ALK: variants seen among roughly 807,000 people sequenced by gnomAD.
ALK encodes ALK receptor tyrosine kinase.
ALK carries 74 observed loss-of-function variants against 163.1 expected under a neutral mutation model. The ratio of observed to expected loss-of-function variants is 0.45; its 90% CI spans 0.38 to 0.55. The LOEUF is 0.55. Among genes scored for constraint, ALK ranks in the 20% least tolerant of loss-of-function variants. The pLI is 0.00. For synonymous variants in ALK, 960 were observed against 843.2 expected, an observed-to-expected ratio of 1.14 and a Z score of -2.40; for missense variants, 2,063 against 2,105.3, an observed-to-expected ratio of 0.98 and a Z score of 0.39.
intron 3 of ALK, among the ~76,000 whole-genome samples, chr2:29,686,614 AGGCCTCTGC>A (rs912422129): frequency 1.1e-4 from 16 of 152,196 alleles, no homozygotes; most frequent in African/African-American, 3.6e-4. Flanking sequence ...GACCAGAGCC[AGGCCTCTGC>A]TCCCCCAGCC....
chr2:29,750,790 C>T (rs1285055243), intron 1 of ALK, among the ~76,000 whole-genome samples: 1 of 151,276 alleles, frequency 6.6e-6, no homozygotes, highest in South Asian at 2.1e-4. Context: ...AGAGGCCGGG[C>T]GTGGTGGCTT....
chr2:29,290,548 C>T (rs72790289), intron 9 of ALK, among the ~76,000 whole-genome samples: 17,410 of 152,172 alleles, frequency 0.11, 1,207 homozygotes, highest in Non-Finnish European at 0.15. Context: ...GGGGGGCACC[C>T]CTGGGCCATG....
intron 1 of ALK, among the ~76,000 whole-genome samples, chr2:29,814,531 G>A (rs2148373828): frequency 6.6e-6 from 1 of 152,020 alleles, no homozygotes; most frequent in African/African-American, 2.4e-5. Flanking sequence ...GAGGTGGCAG[G>A]CACCTGTAGT....
At chr2:29,241,337 G>A (rs1664517440) in intron 12 of ALK, among the ~76,000 whole-genome samples, 1 of 152,118 alleles carries the variant, frequency 6.6e-6, no homozygotes, top group South Asian at 2.1e-4. Context: ...CCCTCTCTGA[G>A]CCCCAGCCCC....
At chr2:29,428,874 G>A (rs1326190532) in intron 4 of ALK, among the ~76,000 whole-genome samples, 1 of 151,838 alleles carries the variant, frequency 6.6e-6, no homozygotes, top group Non-Finnish European at 1.5e-5. Context: ...CAAAATACTA[G>A]CAAACTCAAT....
intron 3 of ALK, among the ~76,000 whole-genome samples, chr2:29,609,186 A>G (rs909896727): frequency 6.6e-6 from 1 of 152,148 alleles, no homozygotes; most frequent in Non-Finnish European, 1.5e-5. Flanking sequence ...GGCCTCCCAG[A>G]GTGCTGGGAT....
At chr2:29,558,402 T>C (rs1162682827) in intron 3 of ALK, among the ~76,000 whole-genome samples, 1 of 152,178 alleles carries the variant, frequency 6.6e-6, no homozygotes, top group East Asian at 1.9e-4. Flanking sequence ...CCAAACTCTT[T>C]AGCCTGGCCC....
intron 11 of ALK, among the ~76,000 whole-genome samples, chr2:29,256,595 G>T (rs1368372319): frequency 1.3e-5 from 2 of 151,766 alleles, no homozygotes; most frequent in Non-Finnish European, 2.9e-5. Context: ...AATCTCTAGG[G>T]AACACTTTTG....
chr2:29,226,952 C>A lies in ALK; in HGVS notation c.3037G>T (p.Val1013Leu), dbSNP rs776510871. The A allele has an allele frequency of 8.1e-6, 13 of 1,614,094 alleles. No homozygotes were observed. Among genetic ancestry groups the A allele is most frequent in the African/African-American group, 1.3e-5 (1 of 74,940 alleles). Residue 1013 changes from valine (V) to leucine (L), a missense_variant, in exon 18 of 29, where the codon GTG (valine) becomes TTG (leucine). Physicochemically the swap from Val to Leu is conservative, Grantham distance 32. Around this residue, in one of 5 missense-constraint regions of ALK, gnomAD observed 575 missense variants for 626.6 expected, o/e 0.92. Coordinates refer to ENST00000389048, the MANE Select transcript of ALK (RefSeq NM_004304.5). Reference protein sequence around the residue: ...KVICFCDHGTVLAEDGVSCIV... With the variant: ...KVICFCDHGTLLAEDGVSCIV... The stretch of plus-strand genomic sequence containing the variant: ...CAGGAGACGCCATCCTCAGCCAGCA[C>A]CGTCCCGTGGTCACAGAAGCAGATG...
rs547955328 is a variant in ALK, at chr2:29,193,039, G to A, written c.*185C>T. On this transcript the variant is annotated 3_prime_UTR_variant, in exon 29 of 29. Transcript: ENST00000389048. ...ATATTTTCTTCTTTCGAAAGAATAG[G>A]ATGAACCCATGCTCAAAACCTTTCT... The A allele has an allele frequency of 2.5e-4, 166 of 665,078 alleles. No individual in the cohort carries two copies. Among genetic ancestry groups the A allele is most frequent in the Non-Finnish European group, 3.7e-4 (139 of 376,670 alleles). The allele number at this position is 665,078 out of a possible 1,614,324, so 41.2% of individuals were successfully genotyped here. A position where few individuals can be genotyped will look rare whatever the true frequency, so the allele number is the denominator to read the frequency against.
chr2:29,452,702 C>T (rs976575764), intron 4 of ALK, among the ~76,000 whole-genome samples: 1 of 152,102 alleles, frequency 6.6e-6, no homozygotes, highest in African/African-American at 2.4e-5. Context: ...TCAGTTGCCA[C>T]CTCTCCACAC....
intron 1 of ALK, among the ~76,000 whole-genome samples, chr2:29,825,716 T>G (rs907532250): frequency 1.3e-5 from 2 of 152,154 alleles, no homozygotes; most frequent in Admixed American, 1.3e-4. Flanking sequence ...TTTGTGTGTT[T>G]TTTTTTTTAA....
At chr2:29,625,992 G>A (rs1474670423) in intron 3 of ALK, among the ~76,000 whole-genome samples, 2 of 152,206 alleles carry the variant, frequency 1.3e-5, no homozygotes, top group Admixed American at 6.5e-5. Context: ...TACCAAGAGA[G>A]CAAGATAGAT....
chr2:29,731,420 C>T (rs138321008), intron 1 of ALK, among the ~76,000 whole-genome samples: 176 of 152,250 alleles, frequency 1.2e-3, no homozygotes, highest in African/African-American at 4.0e-3. Flanking sequence ...CTCGGAGAAA[C>T]TGCTTTTGGC....
rs763209376 is a variant in ALK, at chr2:29,483,644, C to T, written c.1154+48271G>A. ...CATAGAGAATAATTTAATTAGTACT[C>T]ACATACCCAACCTGGCTTTATCAAG... On this transcript the variant is annotated intron_variant, in intron 4 of 28. Transcript: ENST00000389048. Among the ~76,000 whole-genome samples, 9 of 152,286 alleles carry T rather than the reference C, an allele frequency of 5.9e-5. No individual in the cohort carries two copies. In the South Asian group the frequency reaches 8.3e-4, roughly 14 times the overall value.
chr2:29,502,918 G>A (rs1672224033), intron 4 of ALK, among the ~76,000 whole-genome samples: 1 of 152,152 alleles, frequency 6.6e-6, no homozygotes, highest in Admixed American at 6.5e-5. Context: ...AAACAGGTAT[G>A]CAGTGAATCC....
At chr2:29,343,872 C>T (rs920681970) in intron 5 of ALK, among the ~76,000 whole-genome samples, 1 of 152,192 alleles carries the variant, frequency 6.6e-6, no homozygotes, top group Admixed American at 6.5e-5. Context: ...TCCACTTTTA[C>T]AAGTCTTTCT....
chr2:29,648,225 T>G (rs551452773), intron 3 of ALK, among the ~76,000 whole-genome samples: 1 of 152,194 alleles, frequency 6.6e-6, no homozygotes, highest in South Asian at 2.1e-4. Context: ...GTATTACGCA[T>G]AAATAATTTG....
intron 1 of ALK, among the ~76,000 whole-genome samples, chr2:29,909,480 C>G (rs866348171): frequency 2.7e-4 from 37 of 135,976 alleles, no homozygotes; most frequent in South Asian, 1.0e-3. Context: ...GACAGACAGA[C>G]AGAGAGAGAG....
Sources: allele counts gnomAD v4.1 joint callset (sites outside exome capture counted in the v4.1 genomes callset), GRCh38; gene constraint gnomAD v4.1.1; regional missense constraint gnomAD v4.1.1; transcripts MANE v1.5; gene names NCBI Gene and HGNC (gene_info 2026-07-23, HGNC 2026-07-21).